ESRRG: variants seen among roughly 807,000 people sequenced by gnomAD.
ESRRG encodes estrogen related receptor gamma.
ESRRG carries 13 observed loss-of-function variants against 44.0 expected under a neutral mutation model. That is an observed-to-expected ratio of 0.30 (90% CI 0.19 to 0.47). The LOEUF (loss-of-function observed/expected upper bound fraction) is 0.47, where lower values mean the gene tolerates loss of function less well. ESRRG is among the 20% of genes least tolerant of loss of function. The pLI is 1.00. For missense variants in ESRRG, 395 were observed against 580.6 expected (o/e 0.68, Z 3.29); for synonymous variants, 215 against 214.6 (o/e 1.00, Z -0.02).
At chr1:216,965,843 T>C (rs2150228618) in intron 1 of ESRRG, among the ~76,000 whole-genome samples, 1 of 152,310 alleles carries the variant, frequency 6.6e-6, no homozygotes, top group East Asian at 1.9e-4. Context: ...TGCACTACTC[T>C]AAGAAGTCTG....
At chr1:216,970,073 A>G (rs1489710794) in intron 1 of ESRRG, among the ~76,000 whole-genome samples, 1 of 152,142 alleles carries the variant, frequency 6.6e-6, no homozygotes, top group African/African-American at 2.4e-5. Flanking sequence ...CCCATCCCAG[A>G]TTCTAATTCA....
intron 3 of ESRRG, among the ~76,000 whole-genome samples, chr1:216,648,918 T>G (rs1326879691): frequency 5.9e-5 from 9 of 152,170 alleles, no homozygotes. Flanking sequence ...CAAAACTAAG[T>G]GGCAACATAA....
At chr1:217,032,867 A>G (rs2082277950) in intron 1 of ESRRG, among the ~76,000 whole-genome samples, 1 of 152,200 alleles carries the variant, frequency 6.6e-6, no homozygotes, top group African/African-American at 2.4e-5. Flanking sequence ...CTATTGTGCA[A>G]TAATTGGTCC....
chr1:216,787,761 C>T (rs918865580), intron 2 of ESRRG, among the ~76,000 whole-genome samples: 5 of 152,022 alleles, frequency 3.3e-5, no homozygotes, highest in Non-Finnish European at 7.4e-5. Context: ...AGGCTTCTTG[C>T]ACCAAATGGT....
At chr1:216,742,743 G>A (rs1010639713) in intron 2 of ESRRG, among the ~76,000 whole-genome samples, 2 of 152,008 alleles carry the variant, frequency 1.3e-5, no homozygotes, top group South Asian at 2.1e-4. Context: ...AAAATGAATC[G>A]TTATGAACAC....
chr1:216,728,246 A>C (rs1277220892), upstream of ESRRG, among the ~76,000 whole-genome samples: 1 of 152,216 alleles, frequency 6.6e-6, no homozygotes, highest in Non-Finnish European at 1.5e-5. Context: ...GTTAAGCACC[A>C]TGAGCTAAAT....
chr1:216,669,883 C>CT (rs1251668395), intron 2 of ESRRG, among the ~76,000 whole-genome samples: 4 of 139,956 alleles, frequency 2.9e-5, no homozygotes, highest in Admixed American at 2.8e-4. Flanking sequence ...GAGACTCTGT[C>CT]TCAAAAAAAA....
chr1:217,108,369 G>C (rs1255428905), intron 1 of ESRRG, among the ~76,000 whole-genome samples: 1 of 152,090 alleles, frequency 6.6e-6, no homozygotes, highest in African/African-American at 2.4e-5. Context: ...ATTCTGCTTT[G>C]CTGCATACTT....
At chr1:216,674,030 A>G (rs907599895) in intron 2 of ESRRG, among the ~76,000 whole-genome samples, 2 of 152,222 alleles carry the variant, frequency 1.3e-5, no homozygotes, top group Non-Finnish European at 2.9e-5. Context: ...ATTTATCCCA[A>G]AATATTTGCT....
chr1:217,015,749 GAC>G (rs1244060470), intron 1 of ESRRG, among the ~76,000 whole-genome samples: 6 of 114,620 alleles, frequency 5.2e-5, no homozygotes, highest in African/African-American at 1.6e-4. Context: ...TTTTTTTTGA[GAC>G]AGAGTTTCAC....
chr1:217,124,775 C>T (rs1272124689), intron 1 of ESRRG, among the ~76,000 whole-genome samples: 1 of 152,166 alleles, frequency 6.6e-6, no homozygotes, highest in African/African-American at 2.4e-5. Context: ...CAATGGTCCT[C>T]ATAAAAGTAG....
Position 216,562,851 on chromosome 1 carries a change from T to C in ESRRG, c.862+1368A>G, listed in dbSNP as rs556040310. On this transcript the variant is annotated intron_variant, in intron 5 of 6. Transcript: ENST00000408911. ...ATCTCTAAACCCTTCAATAGTGCTT[T>C]CCTTACAAATAAGTTTTCATACACT... Among the ~76,000 whole-genome samples the C allele has an allele frequency of 3.0e-4, 45 of 152,316 alleles. No individual in the cohort carries two copies. In the South Asian group the frequency reaches 6.2e-3, roughly 21 times the overall value.
chr1:216,949,935 C>T (rs1016062465), intron 1 of ESRRG, among the ~76,000 whole-genome samples: 2 of 152,102 alleles, frequency 1.3e-5, no homozygotes, highest in Admixed American at 6.6e-5. Context: ...GCCTCAGCCT[C>T]CCAAGTAGCT....
chr1:216,676,874 A>G (rs2076201901), intron 2 of ESRRG, among the ~76,000 whole-genome samples: 1 of 152,242 alleles, frequency 6.6e-6, no homozygotes, highest in Admixed American at 6.5e-5. Context: ...TAACAGTAAG[A>G]GGAAAATTAA....
intron 2 of ESRRG, among the ~76,000 whole-genome samples, chr1:216,887,392 C>T (rs4846746): frequency 0.1 from 15,957 of 152,148 alleles, 1,185 homozygotes; most frequent in East Asian, 0.35. Context: ...ACTATTAGAA[C>T]ACAAGCACTT....
At chr1:216,996,455 A>C (rs557665149) in intron 1 of ESRRG, among the ~76,000 whole-genome samples, 1 of 152,224 alleles carries the variant, frequency 6.6e-6, no homozygotes, top group South Asian at 2.1e-4. Context: ...AAAGTGAAAA[A>C]TAACAGGCAA....
At chr1:216,868,224 A>C (rs2096204471) in intron 2 of ESRRG, among the ~76,000 whole-genome samples, 1 of 151,028 alleles carries the variant, frequency 6.6e-6, no homozygotes. Flanking sequence ...AGTAGCTTGG[A>C]TTACAGGCAT....
rs188926091 is a variant in ESRRG at position 217,086,802 on chromosome 1, G to C, written c.-106+2705C>G. Among the ~76,000 whole-genome samples the C allele has an allele frequency of 4.6e-5, 7 of 152,236 alleles. No homozygotes were observed. The East Asian group carries it at 1.4e-3, about 29-fold the overall frequency. On this transcript the variant is annotated intron_variant, in intron 1 of 7. Transcript: ENST00000359162. ...ATTATATCACAAATCCCCTTTACTA[G>C]GATAATGACACCTTCGGTGTCTAAT...
At chr1:216,889,080 C>T (rs1413214285) in intron 2 of ESRRG, among the ~76,000 whole-genome samples, 1 of 152,170 alleles carries the variant, frequency 6.6e-6, no homozygotes, top group Non-Finnish European at 1.5e-5. Context: ...ACTTTTACTT[C>T]CTGTGCCTAT....
Sources: allele counts gnomAD v4.1 joint callset (sites outside exome capture counted in the v4.1 genomes callset), GRCh38; gene constraint gnomAD v4.1.1; transcripts MANE v1.5; gene names NCBI Gene and HGNC (gene_info 2026-07-23, HGNC 2026-07-21).